The following OPRL1 variants were observed in gnomAD, a reference collection of about 807,000 sequenced individuals.
The protein encoded by OPRL1 is nociceptin receptor.
Under a neutral mutation model 15.5 loss-of-function variants are expected in OPRL1, and 5 were observed. The ratio of observed to expected loss-of-function variants is 0.32; its 90% CI spans 0.17 to 0.68. The LOEUF (loss-of-function observed/expected upper bound fraction) is 0.68. Among genes scored for constraint, OPRL1 ranks in the 30% least tolerant of loss-of-function variants. OPRL1 has a pLI of 0.72. For missense variants in OPRL1, 406 were observed against 515.3 expected (o/e 0.79, Z 2.05); for synonymous variants, 223 against 230.2 (o/e 0.97, Z 0.28).
At chr20:64,088,696 A>T (rs62218106) in intron 1 of OPRL1, among the ~76,000 whole-genome samples, 7,255 of 42,398 alleles carry the variant, frequency 0.17, 62 homozygotes, top group African/African-American at 0.18. Flanking sequence ...CTGTGCAGGG[A>T]GGCCAGGGTC....
rs778178833 is a variant in OPRL1, at chr20:64,097,961, C to T, written c.393C>T (p.Tyr131=). ...ALCKTVIAID[Y]YNMFTSTFTL... is the part of the protein sequence containing the mutation. Reference sequence around the variant, plus strand: ...GCAAGACAGTCATTGCCATTGACTACTACAACATGTTCACCAGCACCTTCA... The same window carrying T: ...GCAAGACAGTCATTGCCATTGACTATTACAACATGTTCACCAGCACCTTCA... Residue 131 remains tyrosine (Y), a synonymous_variant, in exon 4 of 5, where the codon TAC becomes TAT. Coordinates refer to ENST00000336866, the MANE Select transcript of OPRL1 (RefSeq NM_182647.4). This position sits in a 1 kb window ranked among gnomAD's most constrained non-coding sequence, Gnocchi z 4.2. 1 of 1,613,708 alleles carries T rather than the reference C, an allele frequency of 6.2e-7. No individual in the cohort carries two copies. Among genetic ancestry groups the T allele is most frequent in the South Asian group, 1.1e-5 (1 of 91,082 alleles).
In OPRL1 at chr20:64,090,474, T is replaced by G. The variant is rs1040457912; in HGVS notation, c.-184-1492T>G. Among the ~76,000 whole-genome samples the G allele has an allele frequency of 2.0e-5, 3 of 152,166 alleles. No individual in the cohort carries two copies. Among genetic ancestry groups the G allele is most frequent in the African/African-American group, 7.2e-5 (3 of 41,430 alleles). On this transcript the variant is annotated intron_variant, in intron 1 of 4. Coordinates refer to ENST00000336866, the MANE Select transcript of OPRL1 (RefSeq NM_182647.4). This position sits in a 1 kb window ranked among gnomAD's most constrained non-coding sequence, Gnocchi z 4.9. ...AGTTGCCTAGCAACCAGGTCCCCAC[T>G]CATGGAGAAGGTGCTCGGAGCAGGG...
At chr20:64,082,791 C>T (rs1172515223) in intron 1 of OPRL1, among the ~76,000 whole-genome samples, 5 of 95,176 alleles carry the variant, frequency 5.3e-5, no homozygotes, top group Non-Finnish European at 9.6e-5. Flanking sequence ...GTACTGCATG[C>T]GTGAGTGTGT....
At chr20:64,088,912 A>C in intron 1 of OPRL1, among the ~76,000 whole-genome samples, 1 of 58,678 alleles carries the variant, frequency 1.7e-5, no homozygotes, top group Admixed American at 1.3e-4. Context: ...GTCTGTGCAG[A>C]GTGGCCAGGA....
chr20:64,096,840 G>GACCATCACC (rs1979187824), intron 3 of OPRL1, among the ~76,000 whole-genome samples: 2 of 17,912 alleles, frequency 1.1e-4, no homozygotes, highest in East Asian at 2.3e-3. Context: ...TCATCATCAT[G>GACCATCACC]ACCATCACCA....
At chr20:64,082,817 G>GT (rs1191930828) in intron 1 of OPRL1, among the ~76,000 whole-genome samples, 1 of 145,014 alleles carries the variant, frequency 6.9e-6, no homozygotes, top group Non-Finnish European at 1.5e-5. Flanking sequence ...GTGTGTGTGT[G>GT]TGGGGGGGTG....
At chr20:64,096,215 G>A (rs1979094241) in intron 3 of OPRL1, among the ~76,000 whole-genome samples, 1 of 152,120 alleles carries the variant, frequency 6.6e-6, no homozygotes, top group Non-Finnish European at 1.5e-5. Flanking sequence ...CTGGATTAGA[G>A]CAGACAGGGA....
In OPRL1 at chr20:64,098,781, G is replaced by A. The variant is rs112253993; in HGVS notation, c.1095G>A (p.Thr365=). The change falls in exon 5 of 5, where the codon ACG becomes ACA. Residue 365 remains threonine (T), a synonymous_variant. Transcript: ENST00000336866. Reference sequence around the variant, plus strand: ...CCCTGGCCTGCAAGACCTCTGAGACGGTACCGCGGCCCGCATGACTAGGCG... The same window carrying A: ...CCCTGGCCTGCAAGACCTCTGAGACAGTACCGCGGCCCGCATGACTAGGCG... ...DVALACKTSE[T]VPRPA The A allele has an allele frequency of 1.9e-4, 308 of 1,599,030 alleles. No individual in the cohort carries two copies. The highest frequency in any genetic ancestry group is 5.0e-4 in the Middle Eastern group (3 of 6,060).
rs1173372777 is a variant in OPRL1, at chr20:64,083,410, G to T, written c.-185+3058G>T. The stretch of plus-strand genomic sequence containing the variant: ...TTATAACTTTATGTGGGAGGCTGGG[G>T]CGCGTCGCACACTCTCAGTCGCCGT... On this transcript the variant is annotated intron_variant, in intron 1 of 4. Coordinates refer to ENST00000336866, the MANE Select transcript of OPRL1 (RefSeq NM_182647.4). This position sits in a 1 kb window ranked among gnomAD's most constrained non-coding sequence, Gnocchi z 4.9. 3.7e-6 allele frequency: 6 copies of T among 1,611,766 alleles called. No homozygotes were observed. Among genetic ancestry groups the T allele is most frequent in the Non-Finnish European group, 4.2e-6 (5 of 1,179,614 alleles).
chr20:64,080,557 G>A (rs555251873), intron 1 of OPRL1, among the ~76,000 whole-genome samples: 39 of 152,320 alleles, frequency 2.6e-4, no homozygotes, highest in South Asian at 1.7e-3. Flanking sequence ...CTGCTGACCC[G>A]TGTGTCCCAA....
chr20:64,089,153 G>C lies in OPRL1; in HGVS notation c.-184-2813G>C, dbSNP rs534055636. 9.2e-5 allele frequency among the ~76,000 whole-genome samples: 14 copies of C among 152,286 alleles called. No homozygotes were observed. The South Asian group carries it at 2.7e-3, about 29-fold the overall frequency. ...GGGGGTTTGCCGCAGGCACAAGGGA[G>C]GGAGAAGCTGTCCTGGGTTCTATGG... On this transcript the variant is annotated intron_variant, in intron 1 of 4. Coordinates refer to ENST00000336866, the MANE Select transcript of OPRL1 (RefSeq NM_182647.4). This position sits in a 1 kb window ranked among gnomAD's most constrained non-coding sequence, Gnocchi z 5.5.
intron 1 of OPRL1, among the ~76,000 whole-genome samples, chr20:64,084,714 T>G (rs2060023630): frequency 6.6e-6 from 1 of 152,044 alleles, no homozygotes; most frequent in African/African-American, 2.4e-5. Context: ...AGAGGGCAGG[T>G]GACAGAGGAG....
chr20:64,086,246 C>G (rs967871884), intron 1 of OPRL1, among the ~76,000 whole-genome samples: 8 of 152,186 alleles, frequency 5.3e-5, no homozygotes, highest in Non-Finnish European at 1.2e-4. Context: ...GGGAGTCACG[C>G]AGGGAGTAGG....
chr20:64,083,692 G>A lies in OPRL1; in HGVS notation c.-185+3340G>A. 7.1e-7 allele frequency: 1 copy of A among 1,410,188 alleles called. No homozygotes were observed. The highest frequency in any genetic ancestry group is 9.2e-7 in the Non-Finnish European group (1 of 1,090,328). The allele number at this position is 1,410,188 out of a possible 1,614,324, so 87.4% of individuals were successfully genotyped here. A position where few individuals can be genotyped will look rare whatever the true frequency, so the allele number is the denominator to read the frequency against. ...GGACTTCTGCCGCTGGATGAGCAGC[G>A]CGATCTCCTCGGCCTGCGGGGCCCG... is the stretch of plus-strand genomic sequence containing the variant. On this transcript the variant is annotated intron_variant, in intron 1 of 4. Coordinates refer to ENST00000336866, the MANE Select transcript of OPRL1 (RefSeq NM_182647.4). The surrounding 1 kb of genome is among the most constrained non-coding windows in gnomAD (Gnocchi z 4.9).
chr20:64,098,225 G>A (rs922084485), intron 4 of OPRL1, 51 bp from the exon 5 acceptor site: 1 of 1,602,480 alleles, frequency 6.2e-7, no homozygotes, highest in Non-Finnish European at 8.5e-7. Flanking sequence ...CTGGGCCCAC[G>A]TGCCCTCCAC....
Position 64,084,119 on chromosome 20 carries a change from GC to G in OPRL1, c.-185+3772del, listed in dbSNP as rs1480807718. ...CGGCTTGGGGGGCTCTGTCGCGGGCGCCCCCTTGGCACGCTCCTCACCCTGC... is the reference window on the plus strand; with the variant it reads ...CGGCTTGGGGGGCTCTGTCGCGGGCGCCCCTTGGCACGCTCCTCACCCTGC... On this transcript the variant is annotated intron_variant, in intron 1 of 4. Coordinates refer to ENST00000336866, the MANE Select transcript of OPRL1 (RefSeq NM_182647.4). 8 of 1,470,222 alleles carry G rather than the reference GC, an allele frequency of 5.4e-6. No individual in the cohort carries two copies. The East Asian group carries it at 1.8e-4, about 33-fold the overall frequency. The allele number at this position is 1,470,222 out of a possible 1,614,324, so 91.1% of individuals were successfully genotyped here. A position where few individuals can be genotyped will look rare whatever the true frequency, so the allele number is the denominator to read the frequency against.
Position 64,090,680 on chromosome 20 carries a change from G to A in OPRL1, c.-184-1286G>A, listed in dbSNP as rs2060110792. Among the ~76,000 whole-genome samples the A allele has an allele frequency of 6.6e-6, 1 of 152,252 alleles. No individual in the cohort carries two copies. Among genetic ancestry groups the A allele is most frequent in the Non-Finnish European group, 1.5e-5 (1 of 68,034 alleles). On this transcript the variant is annotated intron_variant, in intron 1 of 4. Transcript: ENST00000336866. The surrounding 1 kb of genome is among the most constrained non-coding windows in gnomAD (Gnocchi z 4.9). ...GTGCTGAGAAGGAGGCAACTCTGAAGGGGCCATTCAGCTGTGTGGGTGCCA... is the reference window on the plus strand; with the variant it reads ...GTGCTGAGAAGGAGGCAACTCTGAAAGGGCCATTCAGCTGTGTGGGTGCCA...
At position 64,092,737 on chromosome 20, in the gene OPRL1, C is replaced by T. The variant is rs113541384; in HGVS notation, c.17C>T (p.Pro6Leu). 2 of 1,612,382 alleles carry T rather than the reference C, an allele frequency of 1.2e-6. No individual in the cohort carries two copies. Among genetic ancestry groups the T allele is most frequent in the Non-Finnish European group, 8.5e-7 (1 of 1,179,812 alleles). MEPLF[P>L]APFWEVIYGS... is the part of the protein sequence containing the mutation. ...GGCAGTGGCATGGAGCCCCTCTTCC[C>T]CGCGCCGTTCTGGGAGGTTATCTAC... is the stretch of plus-strand genomic sequence containing the variant. Residue 6 changes from proline (P) to leucine (L), a missense_variant, in exon 3 of 5, where the codon CCC becomes CTC. Pro to Leu is a moderately conservative substitution (Grantham distance 98). Coordinates refer to ENST00000336866, the MANE Select transcript of OPRL1 (RefSeq NM_182647.4).
At position 64,092,844 on chromosome 20, in the gene OPRL1, C is replaced by G; in HGVS notation, c.124C>G (p.His42Asp). 1 of 1,612,776 alleles carries G rather than the reference C, an allele frequency of 6.2e-7. No individual in the cohort carries two copies. The highest frequency in any genetic ancestry group is 8.5e-7 in the Non-Finnish European group (1 of 1,179,952). The change falls in exon 3 of 5, where the codon CAC becomes GAC. Residue 42 changes from histidine (H) to aspartate (D), a missense_variant. Physicochemically the swap from His to Asp is moderately conservative, Grantham distance 81. Coordinates refer to ENST00000336866, the MANE Select transcript of OPRL1 (RefSeq NM_182647.4). ...LPPHLLLNAS[H>D]GAFLPLGLKV... Reference sequence around the variant, plus strand: ...CCCGCATCTGCTGCTCAATGCCAGCCACGGCGCCTTCCTGCCCCTCGGGCT... The same window carrying G: ...CCCGCATCTGCTGCTCAATGCCAGCGACGGCGCCTTCCTGCCCCTCGGGCT...
Sources: gnomAD v4.1 joint callset for allele counts (sites outside exome capture counted in the v4.1 genomes callset) on GRCh38, gnomAD v4.1.1 for gene constraint, Gnocchi (gnomAD v3.1) non-coding constraint, MANE v1.5 for transcripts, NCBI Gene and HGNC (gene_info 2026-07-23, HGNC 2026-07-21) for gene names.